The following PNPLA2 variants were observed in gnomAD, a reference collection of about 807,000 sequenced individuals.
PNPLA2 encodes patatin-like phospholipase domain-containing protein 2.
PNPLA2 carries 28 observed loss-of-function variants against 39.7 expected under a neutral mutation model. That is an observed-to-expected ratio of 0.70 (90% confidence interval 0.52 to 0.97). PNPLA2 has a LOEUF of 0.97. Among genes scored for constraint, PNPLA2 ranks in the 50% least tolerant of loss-of-function variants. The probability of loss-of-function intolerance (pLI) is 0.00; values close to 1 mark genes in which losing one functional copy is unlikely to be tolerated. For missense variants in PNPLA2, 768 were observed against 698.2 expected, an observed-to-expected ratio of 1.10 and a Z score of -1.13; for synonymous variants, 392 against 321.1, an observed-to-expected ratio of 1.22 and a Z score of -2.36.
intron 6 of PNPLA2, 42 bp from the exon 7 acceptor site, chr11:823,652 C>A: frequency 6.2e-7 from 1 of 1,600,924 alleles, no homozygotes; most frequent in Non-Finnish European, 8.5e-7. Context: ...CGGGCCGCGG[C>A]CGCGCTGATG....
At chr11:822,124 C>A in intron 4 of PNPLA2, 101 bp downstream of exon 4, 1 of 1,084,506 alleles carries the variant, frequency 9.2e-7, no homozygotes. Flanking sequence ...CTTGCTCTGC[C>A]ACCGCCTGTT....
chr11:823,541 G>A lies in PNPLA2; in HGVS notation c.711G>A (p.Met237Ile), dbSNP rs768686938. ...CCTCACTGCAGGTGCTGCGAGAGAT[G>A]TGCAAGCAGGGATACCGGGATGGCC... Reference protein sequence around the residue: ...FPPEPLVLREMCKQGYRDGLR... With the variant: ...FPPEPLVLREICKQGYRDGLR... Residue 237 changes from methionine to isoleucine, a missense_variant, in exon 6 of 10, where the codon ATG (methionine) becomes ATA (isoleucine). Coordinates refer to ENST00000336615, the MANE Select transcript of PNPLA2 (RefSeq NM_020376.4). The A allele has an allele frequency of 7.5e-6, 12 of 1,610,556 alleles. No individual in the cohort carries two copies. The highest frequency in any genetic ancestry group is 6.7e-5 in the Admixed American group (4 of 59,746).
At chr11:820,775 G>A (rs1355739118) in intron 2 of PNPLA2, 1 of 152,208 alleles carries the variant, frequency 6.6e-6, no homozygotes, top group African/African-American at 2.4e-5. Flanking sequence ...AATAACTAGA[G>A]CTATTATTGG....
rs776119072 is a variant in PNPLA2 at position 819,817 on chromosome 11, G to T, written c.99G>T (p.Ala33=). The change falls in exon 2 of 10, where the codon GCG becomes GCT. Residue 33 remains alanine (A), a synonymous_variant. Coordinates refer to ENST00000336615, the MANE Select transcript of PNPLA2 (RefSeq NM_020376.4). ...VGVASCLREH[A]PFLVANATHI... ...TGGCCTCCTGCCTCCGCGAGCACGC[G>T]CCCTTCCTGGTGGCCAACGCCACGC... is the stretch of plus-strand genomic sequence containing the variant. 1.3e-6 allele frequency: 2 copies of T among 1,497,242 alleles called. No individual in the cohort carries two copies. The highest frequency in any genetic ancestry group is 1.8e-6 in the Non-Finnish European group (2 of 1,124,380). 92.7% of individuals were successfully genotyped at this position (1,497,242 alleles called of 1,614,324 possible). A position where few individuals can be genotyped will look rare whatever the true frequency, so the allele number is the denominator to read the frequency against.
chr11:819,961 G>A lies in PNPLA2; in HGVS notation c.187+56G>A, dbSNP rs535076680. 58 of 1,236,728 alleles carry A rather than the reference G, an allele frequency of 4.7e-5. No individual in the cohort carries two copies. The South Asian group carries it at 1.1e-3, about 24-fold the overall frequency. The allele number at this position is 1,236,728 out of a possible 1,614,324, so 76.6% of individuals were successfully genotyped here. A position where few individuals can be genotyped will look rare whatever the true frequency, so the allele number is the denominator to read the frequency against. ...GCTGGCGGGAAGGCCGTGCGGGGCC[G>A]GGGGATGGTCTCCGTGAGCGGAGGG... On this transcript the variant is annotated intron_variant, in intron 2 of 9. Transcript: ENST00000336615.
At chr11:823,234 T>C (rs561277942) in intron 5 of PNPLA2, among the ~76,000 whole-genome samples, 17 of 151,990 alleles carry the variant, frequency 1.1e-4, no homozygotes, top group African/African-American at 3.9e-4. Flanking sequence ...ATTTTTTGTA[T>C]TTTTAGTAGA....
chr11:819,566 C>A lies in PNPLA2; in HGVS notation c.-145-8C>A, dbSNP rs1161072354. 4 of 1,291,386 alleles carry A rather than the reference C, an allele frequency of 3.1e-6. No homozygotes were observed. Among genetic ancestry groups the A allele is most frequent in the Non-Finnish European group, 3.9e-6 (4 of 1,017,468 alleles). The allele number at this position is 1,291,386 out of a possible 1,614,324, so 80.0% of individuals were successfully genotyped here. On this transcript the variant is annotated splice_polypyrimidine_tract_variant and splice_region_variant and intron_variant, in intron 1 of 9. Coordinates refer to ENST00000336615, the MANE Select transcript of PNPLA2 (RefSeq NM_020376.4). ...CTTAAAAGCGCCGCCTCCGCGCCGC[C>A]CGCGTAGCTTCTTCGCCTCCGCCAG...
Position 819,631 on chromosome 11 carries a change from C to A in PNPLA2, c.-88C>A. On this transcript the variant is annotated 5_prime_UTR_variant, in exon 2 of 10. Transcript: ENST00000336615. ...TAGAGCCGCAGCGGGACCTGCCCGG[C>A]CCCCGGCTCCAGCGAGCGAGCGGCG... The A allele has an allele frequency of 1.5e-6, 2 of 1,331,202 alleles. No individual in the cohort carries two copies. The highest frequency in any genetic ancestry group is 2.0e-6 in the Non-Finnish European group (2 of 1,020,612). The allele number at this position is 1,331,202 out of a possible 1,614,324, so 82.5% of individuals were successfully genotyped here.
rs1430834122 is a variant in PNPLA2, at chr11:821,974, G to C, written c.437G>C (p.Gly146Ala). The change falls in exon 4 of 10, where the codon GGT (glycine) becomes GCT (alanine). Residue 146 changes from glycine to alanine, a missense_variant. Physicochemically the swap from Gly to Ala is moderately conservative, Grantham distance 60. Coordinates refer to ENST00000336615, the MANE Select transcript of PNPLA2 (RefSeq NM_020376.4). ...GCCCTGAAGGCCAATGTCTGCAGCGGTTTCATCCCCGTGTACTGTGGGCTC... is the reference window on the plus strand; with the variant it reads ...GCCCTGAAGGCCAATGTCTGCAGCGCTTTCATCCCCGTGTACTGTGGGCTC... ...DELIQANVCSGFIPVYCGLIP... is the reference protein window; with the variant it reads ...DELIQANVCSAFIPVYCGLIP... The C allele has an allele frequency of 6.2e-7, 1 of 1,613,796 alleles. No homozygotes were observed. Among genetic ancestry groups the C allele is most frequent in the Non-Finnish European group, 8.5e-7 (1 of 1,180,004 alleles).
chr11:824,143 G>T lies in PNPLA2; in HGVS notation c.1052+13G>T. ...CCTTCACCATCCGGTGTGAGGGCTGGGGGGTCGGGAGAGGGGCCCAGGGGA... is the reference window on the plus strand; with the variant it reads ...CCTTCACCATCCGGTGTGAGGGCTGTGGGGTCGGGAGAGGGGCCCAGGGGA... On this transcript the variant is annotated intron_variant, in intron 8 of 9. Coordinates refer to ENST00000336615, the MANE Select transcript of PNPLA2 (RefSeq NM_020376.4). 6.3e-7 allele frequency: 1 copy of T among 1,588,086 alleles called. No individual in the cohort carries two copies. The highest frequency in any genetic ancestry group is 1.1e-5 in the South Asian group (1 of 87,984).
intron 6 of PNPLA2, 47 bp from the exon 7 acceptor site, chr11:823,647 C>A: frequency 6.3e-7 from 1 of 1,599,626 alleles, no homozygotes; most frequent in African/African-American, 1.3e-5. Flanking sequence ...CCCTGCGGGC[C>A]GCGGCCGCGC....
Position 819,630 on chromosome 11 carries a change from G to GC in PNPLA2, c.-84dup. 4 of 1,343,018 alleles carry GC rather than the reference G, an allele frequency of 3.0e-6. No homozygotes were observed. The highest frequency in any genetic ancestry group is 3.9e-6 in the Non-Finnish European group (4 of 1,031,776). The allele number at this position is 1,343,018 out of a possible 1,614,324, so 83.2% of individuals were successfully genotyped here. A position where few individuals can be genotyped will look rare whatever the true frequency, so the allele number is the denominator to read the frequency against. On this transcript the variant is annotated 5_prime_UTR_variant, in exon 2 of 10. Transcript: ENST00000336615. The stretch of plus-strand genomic sequence containing the variant: ...CTAGAGCCGCAGCGGGACCTGCCCG[G>GC]CCCCCGGCTCCAGCGAGCGAGCGGC...
Position 822,427 on chromosome 11 carries a change from C to G in PNPLA2, c.517C>G (p.Leu173Val). 6.2e-7 allele frequency: 1 copy of G among 1,614,076 alleles called. No individual in the cohort carries two copies. The highest frequency in any genetic ancestry group is 1.1e-5 in the South Asian group (1 of 91,088). Reference protein sequence around the residue: ...RYVDGGISDNLPLYELKNTIT... With the variant: ...RYVDGGISDNVPLYELKNTIT... ...CGTGGATGGTGGCATTTCAGACAAC[C>G]TGCCACTCTATGAGCTTAAGAACAC... is the stretch of plus-strand genomic sequence containing the variant. The change falls in exon 5 of 10, where the codon CTG becomes GTG. Residue 173 changes from leucine to valine, a missense_variant. Leu to Val is a conservative substitution (Grantham distance 32). Transcript: ENST00000336615.
chr11:824,236 C>T lies in PNPLA2; in HGVS notation c.1053-78C>T, dbSNP rs1590179298. On this transcript the variant is annotated intron_variant, in intron 8 of 9. Coordinates refer to ENST00000336615, the MANE Select transcript of PNPLA2 (RefSeq NM_020376.4). ...TGGGGTGGGGTGAGCAGTGCCAAGTCAGGGCACAGACAGGGCCCGGCGGGT... is the reference window on the plus strand; with the variant it reads ...TGGGGTGGGGTGAGCAGTGCCAAGTTAGGGCACAGACAGGGCCCGGCGGGT... 4 of 1,548,354 alleles carry T rather than the reference C, an allele frequency of 2.6e-6. No individual in the cohort carries two copies. In the East Asian group the frequency reaches 7.2e-5, roughly 28 times the overall value.
intron 1 of PNPLA2, 138 bp from the exon 2 acceptor site, chr11:819,436 G>A: frequency 8.7e-7 from 1 of 1,154,064 alleles, no homozygotes; most frequent in South Asian, 3.6e-5. Context: ...GCTCCAGCGC[G>A]GGGGGCCGGG....
At position 824,610 on chromosome 11, in the gene PNPLA2, C is replaced by T. The variant is rs1433131381; in HGVS notation, c.1263C>T (p.Gly421=). The T allele has an allele frequency of 2.5e-6, 4 of 1,592,698 alleles. No homozygotes were observed. Among genetic ancestry groups the T allele is most frequent in the East Asian group, 2.3e-5 (1 of 44,236 alleles). Residue 421 remains glycine (G), a synonymous_variant, in exon 10 of 10, where the codon GGC becomes GGT. Coordinates refer to ENST00000336615, the MANE Select transcript of PNPLA2 (RefSeq NM_020376.4). ...SCAAYREALP[G]WMRNNLSLGD... is the part of the protein sequence containing the mutation. ...CCGCCTACAGAGAGGCACTGCCCGG[C>T]TGGATGCGCAACAACCTCTCGCTGG... is the stretch of plus-strand genomic sequence containing the variant.
intron 5 of PNPLA2, 78 bp from the exon 6 acceptor site, chr11:823,449 G>T (rs1845734174): frequency 1.7e-5 from 23 of 1,355,352 alleles, no homozygotes; most frequent in South Asian, 9.9e-5. Flanking sequence ...GGAGGTGGCT[G>T]TTGGGGGTGC....
At position 825,269 on chromosome 11, in the gene PNPLA2, C is replaced by T; in HGVS notation, c.*407C>T. On this transcript the variant is annotated 3_prime_UTR_variant, in exon 10 of 10. Transcript: ENST00000336615. ...ACCGCCTGCTTACTTGCAGTGAGAG[C>T]CTGGTGGCCAGGGTCTGGCCCTACC... is the stretch of plus-strand genomic sequence containing the variant. The T allele has an allele frequency of 3.3e-6, 1 of 302,040 alleles. No individual in the cohort carries two copies. Among genetic ancestry groups the T allele is most frequent in the Non-Finnish European group, 6.3e-6 (1 of 157,960 alleles). 18.7% of individuals were successfully genotyped at this position (302,040 alleles called of 1,614,324 possible). A position where few individuals can be genotyped will look rare whatever the true frequency, so the allele number is the denominator to read the frequency against.
Position 819,733 on chromosome 11 carries a change from G to A in PNPLA2, c.15G>A (p.Glu5=), listed in dbSNP as rs1845604973. MFPR[E]KTWNISFAGC... The stretch of plus-strand genomic sequence containing the variant: ...CCGCCGCCGCGATGTTTCCCCGCGA[G>A]AAGACGTGGAACATCTCGTTCGCGG... The change falls in exon 2 of 10, where the codon GAG becomes GAA. Residue 5 remains glutamate, a synonymous_variant. Coordinates refer to ENST00000336615, the MANE Select transcript of PNPLA2 (RefSeq NM_020376.4). 2.0e-6 allele frequency: 3 copies of A among 1,495,866 alleles called. No homozygotes were observed. The highest frequency in any genetic ancestry group is 2.2e-5 in the Admixed American group (1 of 45,374). 92.7% of individuals were successfully genotyped at this position (1,495,866 alleles called of 1,614,324 possible). A position where few individuals can be genotyped will look rare whatever the true frequency, so the allele number is the denominator to read the frequency against.
Sources: allele counts gnomAD v4.1 joint callset (sites outside exome capture counted in the v4.1 genomes callset), GRCh38; gene constraint gnomAD v4.1.1; transcripts MANE v1.5; gene names NCBI Gene and HGNC (gene_info 2026-07-23, HGNC 2026-07-21).